Variants in DCC observed in about 807,000 individuals in gnomAD.
The protein encoded by DCC is DCC netrin 1 receptor.
In DCC, 58 loss-of-function variants were observed where a neutral mutation model predicts 172.5. The observed-to-expected ratio is 0.34, with a 90% confidence interval of 0.27 to 0.42. The LOEUF (loss-of-function observed/expected upper bound fraction) is 0.42. Among genes scored for constraint, DCC ranks in the 10% least tolerant of loss-of-function variants. The probability of loss-of-function intolerance (pLI) is 1.00; values close to 1 mark genes in which losing one functional copy is unlikely to be tolerated. For missense variants in DCC, 1,740 were observed against 1,791.0 expected (o/e 0.97, Z 0.51); for synonymous variants, 709 against 644.5 (o/e 1.10, Z -1.52).
At chr18:52,998,421 G>C (rs1288491055) in intron 5 of DCC, among the ~76,000 whole-genome samples, 1 of 152,014 alleles carries the variant, frequency 6.6e-6, no homozygotes, top group Non-Finnish European at 1.5e-5. Flanking sequence ...CTCTAGACAC[G>C]AGCATAAAAT....
rs750742999 is a variant in DCC at position 53,428,740 on chromosome 18, C to T, written c.3164-6404C>T. 6.3e-4 allele frequency among the ~76,000 whole-genome samples: 15 copies of T among 23,870 alleles called. 2 individuals are homozygous for T. Among genetic ancestry groups the T allele is most frequent in the Admixed American group, 1.4e-3 (2 of 1,440 alleles). 15.7% of individuals were successfully genotyped at this position (23,870 alleles called of 152,430 possible). A position where few individuals can be genotyped will look rare whatever the true frequency, so the allele number is the denominator to read the frequency against. On this transcript the variant is annotated intron_variant, in intron 21 of 28. Transcript: ENST00000442544. ...ATATTTATATATATTATATTATATA[C>T]TATATATTTTATATATAATAAATTA...
intron 19 of DCC, among the ~76,000 whole-genome samples, chr18:53,408,645 A>G (rs1909812987): frequency 6.6e-6 from 1 of 152,192 alleles, no homozygotes; most frequent in Non-Finnish European, 1.5e-5. Context: ...ATATTACTAG[A>G]GGATGAGGAT....
Position 52,742,751 on chromosome 18 carries a change from T to C in DCC, c.92-9303T>C, listed in dbSNP as rs144352376. 7.0e-4 allele frequency among the ~76,000 whole-genome samples: 104 copies of C among 148,794 alleles called. No individual in the cohort carries two copies. The East Asian group carries it at 0.019, about 27-fold the overall frequency. ...AAGCAAGCAATTTTCCAAGTAGAAG[T>C]GAGAACTATGACATGTAGTATGAAT... is the stretch of plus-strand genomic sequence containing the variant. On this transcript the variant is annotated intron_variant, in intron 1 of 28. Coordinates refer to ENST00000442544, the MANE Select transcript of DCC (RefSeq NM_005215.4).
At position 53,207,034 on chromosome 18, in the gene DCC, G is replaced by A. The variant is rs568826407; in HGVS notation, c.1723-645G>A. Among the ~76,000 whole-genome samples, 7 of 148,308 alleles carry A rather than the reference G, an allele frequency of 4.7e-5. No homozygotes were observed. In the East Asian group the frequency reaches 1.4e-3, roughly 29 times the overall value. On this transcript the variant is annotated intron_variant, in intron 10 of 28. Transcript: ENST00000442544. ...TTTGCTCTTGTTTTTTCAACTTTCT[G>A]TTTTATCTGCCTTTCTATATATTTT...
chr18:53,488,368 C>CT (rs2045925405), intron 26 of DCC, among the ~76,000 whole-genome samples: 2 of 151,966 alleles, frequency 1.3e-5, no homozygotes, highest in Admixed American at 1.3e-4. Context: ...GAGCTAGACT[C>CT]TATTTATTTC....
At chr18:53,287,545 C>T (rs1254516376) in intron 12 of DCC, among the ~76,000 whole-genome samples, 1 of 152,096 alleles carries the variant, frequency 6.6e-6, no homozygotes, top group Non-Finnish European at 1.5e-5. Context: ...TATTTTTAAC[C>T]TTTTGAGGAA....
chr18:53,426,311 TA>T lies in DCC; in HGVS notation c.3164-8832del, dbSNP rs1910940843. On this transcript the variant is annotated intron_variant, in intron 21 of 28. Coordinates refer to ENST00000442544, the MANE Select transcript of DCC (RefSeq NM_005215.4). ...ATTTATAATATATATTTATAATATA[TA>T]TTATATATTTATAAATTTTATGATA... Among the ~76,000 whole-genome samples the T allele has an allele frequency of 6.0e-5, 3 of 50,366 alleles. No individual in the cohort carries two copies. The East Asian group carries it at 1.0e-3, about 17-fold the overall frequency. The allele number at this position is 50,366 out of a possible 152,430, so 33.0% of individuals were successfully genotyped here. A position where few individuals can be genotyped will look rare whatever the true frequency, so the allele number is the denominator to read the frequency against.
rs546650251 is a variant in DCC, at chr18:52,870,921, G to A, written c.413-35123G>A. ...GGCTCGCTCTTTACTGCAATGCCACGGTCTCAGTGAGTTGACTTTGTGCAG... is the reference window on the plus strand; with the variant it reads ...GGCTCGCTCTTTACTGCAATGCCACAGTCTCAGTGAGTTGACTTTGTGCAG... On this transcript the variant is annotated intron_variant, in intron 2 of 28. Transcript: ENST00000442544. Among the ~76,000 whole-genome samples, 13 of 152,156 alleles carry A rather than the reference G, an allele frequency of 8.5e-5. No individual in the cohort carries two copies. The South Asian group carries it at 2.3e-3, about 27-fold the overall frequency.
At chr18:53,485,706 C>T (rs1180170948) in intron 25 of DCC, among the ~76,000 whole-genome samples, 2 of 151,928 alleles carry the variant, frequency 1.3e-5, no homozygotes, top group African/African-American at 2.4e-5. Context: ...CTTTTAAAAT[C>T]TTTTATCTTT....
chr18:52,867,607 T>C (rs2039248518), intron 2 of DCC, among the ~76,000 whole-genome samples: 1 of 152,168 alleles, frequency 6.6e-6, no homozygotes, highest in African/African-American at 2.4e-5. Context: ...TGGTTTAGTC[T>C]TGGGAGGGCG....
intron 2 of DCC, among the ~76,000 whole-genome samples, chr18:52,860,405 GA>G (rs1410408561): frequency 2.0e-5 from 3 of 152,094 alleles, no homozygotes; most frequent in Non-Finnish European, 2.9e-5. Context: ...AAAAATGGGA[GA>G]AAAATTTGAA....
At chr18:52,827,064 G>A (rs569438969) in intron 2 of DCC, among the ~76,000 whole-genome samples, 1 of 152,244 alleles carries the variant, frequency 6.6e-6, no homozygotes, top group East Asian at 1.9e-4. Context: ...GCCCGGACTT[G>A]AGCATCCCCA....
chr18:52,348,779 A>G (rs995429875), intron 1 of DCC, among the ~76,000 whole-genome samples: 2 of 152,162 alleles, frequency 1.3e-5, no homozygotes, highest in African/African-American at 4.8e-5. Flanking sequence ...CCTAGGCTTT[A>G]TTTAAGCACC....
chr18:52,658,222 C>A (rs528832272), intron 1 of DCC, among the ~76,000 whole-genome samples: 2 of 152,214 alleles, frequency 1.3e-5, no homozygotes, highest in Admixed American at 1.3e-4. Flanking sequence ...GTTGAGACAC[C>A]AGTTATATGT....
chr18:52,791,153 T>C (rs57066662), intron 2 of DCC, among the ~76,000 whole-genome samples: 13,642 of 152,192 alleles, frequency 0.09, 1,997 homozygotes, highest in African/African-American at 0.31. Flanking sequence ...GAGTTGCTTT[T>C]CTAATTTTGG....
intron 7 of DCC, among the ~76,000 whole-genome samples, chr18:53,116,005 TTAGA>T (rs980209945): frequency 6.6e-6 from 1 of 151,358 alleles, no homozygotes; most frequent in South Asian, 2.1e-4. Flanking sequence ...TCAAAGTAGA[TTAGA>T]TAAATTTATG....
At chr18:53,358,449 C>T (rs575342879) in intron 15 of DCC, among the ~76,000 whole-genome samples, 1 of 149,900 alleles carries the variant, frequency 6.7e-6, no homozygotes, top group African/African-American at 2.5e-5. Context: ...TATAAAATGG[C>T]TTATTGAGTC....
chr18:53,193,930 A>C (rs536735048), intron 9 of DCC, among the ~76,000 whole-genome samples: 1 of 152,302 alleles, frequency 6.6e-6, no homozygotes, highest in Admixed American at 6.5e-5. Context: ...TTTTCCTCTA[A>C]TAAATGACAG....
chr18:53,343,966 T>G (rs958291962), intron 15 of DCC, among the ~76,000 whole-genome samples: 8 of 152,008 alleles, frequency 5.3e-5, no homozygotes, highest in African/African-American at 1.9e-4. Flanking sequence ...TTATCTATGG[T>G]TATTAACTGA....
Sources: gnomAD v4.1 joint callset for allele counts (sites outside exome capture counted in the v4.1 genomes callset) on GRCh38, gnomAD v4.1.1 for gene constraint, MANE v1.5 for transcripts, NCBI Gene and HGNC (gene_info 2026-07-23, HGNC 2026-07-21) for gene names.